CIMIP4: variants seen among roughly 807,000 people sequenced by gnomAD.
CIMIP4 encodes the protein ciliary microtubule inner protein 4.
the CIMIP4 span, among the ~76,000 whole-genome samples, chr22:37,006,684 A>C: frequency 3.3e-5 from 5 of 152,170 alleles, no homozygotes. Context: ...TATATTTTGC[A>C]TGTGGAAGGG....
the CIMIP4 span, among the ~76,000 whole-genome samples, chr22:37,004,191 G>C: frequency 6.6e-6 from 1 of 152,094 alleles, no homozygotes; most frequent in African/African-American, 2.4e-5. Context: ...GACCCACGGA[G>C]CCTCTGCCCC....
At chr22:37,004,036 A>G in the CIMIP4 span, 4 of 1,542,922 alleles carry the variant, frequency 2.6e-6, no homozygotes, top group Non-Finnish European at 3.5e-6. Context: ...CTGTAAACAA[A>G]GCACCACGTT....
the CIMIP4 span, among the ~76,000 whole-genome samples, chr22:37,002,509 A>G: frequency 6.6e-4 from 100 of 152,046 alleles, no homozygotes; most frequent in Admixed American, 2.3e-3. Flanking sequence ...AGGAGACACA[A>G]TGGGAGAAGA....
At chr22:37,006,263 A>C in the CIMIP4 span, among the ~76,000 whole-genome samples, 1 of 152,222 alleles carries the variant, frequency 6.6e-6, no homozygotes. Flanking sequence ...AAAAATAAAA[A>C]AGACAAGTCA....
the CIMIP4 span, among the ~76,000 whole-genome samples, chr22:36,998,901 G>A: frequency 1.3e-5 from 2 of 152,110 alleles, no homozygotes; most frequent in African/African-American, 4.8e-5. Context: ...CCTTCATGTG[G>A]CACTTCATAA....
the CIMIP4 span, among the ~76,000 whole-genome samples, chr22:37,000,418 T>A: frequency 6.6e-6 from 1 of 152,050 alleles, no homozygotes; most frequent in East Asian, 1.9e-4. Flanking sequence ...CAGCTCTGGG[T>A]GGGTGCTTAA....
chr22:37,003,805 CT>C, the CIMIP4 span, among the ~76,000 whole-genome samples: 1 of 152,168 alleles, frequency 6.6e-6, no homozygotes, highest in African/African-American at 2.4e-5. Flanking sequence ...TTCCTTCTGT[CT>C]TCCAACAGAA....
chr22:36,991,767 G>A, the CIMIP4 span, among the ~76,000 whole-genome samples: 17 of 152,292 alleles, frequency 1.1e-4, no homozygotes, highest in South Asian at 3.3e-3. Flanking sequence ...TTATTTATGG[G>A]TAGTATAGCC....
At chr22:36,991,266 G>A in the CIMIP4 span, 1 of 1,613,936 alleles carries the variant, frequency 6.2e-7, no homozygotes, top group Non-Finnish European at 8.5e-7. Context: ...CATTTTTCTG[G>A]TGCCACCGCC....
chr22:37,000,126 G>A, the CIMIP4 span: 6 of 1,129,624 alleles, frequency 5.3e-6, no homozygotes, highest in Non-Finnish European at 7.3e-6. Context: ...CTATTCACAG[G>A]GCTGGGGAGC....
At chr22:36,991,128 C>A in the CIMIP4 span, 1 of 1,564,594 alleles carries the variant, frequency 6.4e-7, no homozygotes, top group Non-Finnish European at 8.8e-7. Context: ...CTGAGCCTTT[C>A]CTTATTGTTA....
At chr22:36,991,639 C>G in the CIMIP4 span, 1 of 1,474,984 alleles carries the variant, frequency 6.8e-7, no homozygotes, top group Non-Finnish European at 9.5e-7. Context: ...CAGTGGCAGT[C>G]GGGTACTCCA....
the CIMIP4 span, among the ~76,000 whole-genome samples, chr22:37,005,527 A>G: frequency 6.6e-6 from 1 of 150,656 alleles, no homozygotes; most frequent in Admixed American, 6.7e-5. Context: ...GAAGCATGAT[A>G]GAAAAAGCCT....
chr22:37,004,557 A>G, the CIMIP4 span, among the ~76,000 whole-genome samples: 1 of 152,204 alleles, frequency 6.6e-6, no homozygotes, highest in African/African-American at 2.4e-5. Flanking sequence ...ACGAAGGAGA[A>G]CCAAGAGCAG....
the CIMIP4 span, among the ~76,000 whole-genome samples, chr22:36,997,647 C>A: frequency 6.6e-6 from 1 of 152,210 alleles, no homozygotes; most frequent in Non-Finnish European, 1.5e-5. Flanking sequence ...TGTTTCTGCC[C>A]CATCTCCCTA....
the CIMIP4 span, among the ~76,000 whole-genome samples, chr22:37,005,845 G>T: frequency 6.6e-6 from 1 of 152,184 alleles, no homozygotes; most frequent in South Asian, 2.1e-4. Context: ...AAAGATGCCA[G>T]TACTTAATGG....
At chr22:37,004,069 G>C in the CIMIP4 span, 11 of 1,501,524 alleles carry the variant, frequency 7.3e-6, no homozygotes, top group East Asian at 2.3e-4. Context: ...ATAACACACA[G>C]AGTTTCTGTG....
At chr22:37,001,723 A>C in the CIMIP4 span, 2 of 1,103,772 alleles carry the variant, frequency 1.8e-6, no homozygotes, top group Non-Finnish European at 2.5e-6. Flanking sequence ...GCAGATGCTC[A>C]GGAGATACTG....
the CIMIP4 span, chr22:36,991,614 C>A: frequency 1.2e-6 from 2 of 1,603,096 alleles, no homozygotes; most frequent in Non-Finnish European, 1.7e-6. Context: ...ATGAAGAAAC[C>A]CCAAGTGCCC....
Sources: gnomAD v4.1 joint callset for allele counts (sites outside exome capture counted in the v4.1 genomes callset) on GRCh38, gnomAD v4.1.1 for gene constraint, MANE v1.5 for transcripts, NCBI Gene and HGNC (gene_info 2026-07-23, HGNC 2026-07-21) for gene names.